TEKT1: variants seen among roughly 807,000 people sequenced by gnomAD.
TEKT1 encodes the protein tektin 1.
A neutral mutation model predicts 34.8 loss-of-function variants in TEKT1; 32 were observed. The observed-to-expected ratio is 0.92, with a 90% confidence interval of 0.69 to 1.23. The LOEUF is 1.23. TEKT1 is among the 50% of genes most tolerant of loss of function. The pLI is 0.00. For missense variants in TEKT1, 492 were observed against 518.5 expected, an observed-to-expected ratio of 0.95 and a Z score of 0.50; for synonymous variants, 207 against 199.8, an observed-to-expected ratio of 1.04 and a Z score of -0.30.
intron 3 of TEKT1, among the ~76,000 whole-genome samples, chr17:6,818,624 C>A (rs1250932830): frequency 6.6e-6 from 1 of 152,170 alleles, no homozygotes; most frequent in Non-Finnish European, 1.5e-5. Context: ...TAAAACCAAT[C>A]ATTTCCCAGC....
chr17:6,802,538 T>C (rs1435186949), intron 6 of TEKT1, among the ~76,000 whole-genome samples: 1 of 152,170 alleles, frequency 6.6e-6, no homozygotes, highest in Non-Finnish European at 1.5e-5. Context: ...ACGTGCAGGT[T>C]TGTTACATAT....
At chr17:6,817,100 G>A (rs555043757) in intron 3 of TEKT1, among the ~76,000 whole-genome samples, 1 of 152,184 alleles carries the variant, frequency 6.6e-6, no homozygotes, top group South Asian at 2.1e-4. Context: ...TTTAGGGTGG[G>A]CGCAGTGACT....
intron 2 of TEKT1, among the ~76,000 whole-genome samples, chr17:6,822,803 T>C (rs1260616102): frequency 2.0e-5 from 3 of 152,216 alleles, no homozygotes; most frequent in Non-Finnish European, 2.9e-5. Flanking sequence ...TTGGCTTTCC[T>C]CAATTATTTG....
chr17:6,819,723 T>C (rs1977059760), intron 2 of TEKT1, among the ~76,000 whole-genome samples: 1 of 152,230 alleles, frequency 6.6e-6, no homozygotes, highest in Admixed American at 6.5e-5. Context: ...AGTCTCACTG[T>C]GTCACCCAGG....
Position 6,800,472 on chromosome 17 carries a change from C to T in TEKT1, c.1050-238G>A, listed in dbSNP as rs537261976. ...TGGCGGCCACAGGCCAGATTCATGA[C>T]GTAGACACCTTATGAAATGCTGATG... On this transcript the variant is annotated intron_variant, in intron 7 of 7. Coordinates refer to ENST00000338694, the MANE Select transcript of TEKT1 (RefSeq NM_053285.2). Among the ~76,000 whole-genome samples, 3 of 152,322 alleles carry T rather than the reference C, an allele frequency of 2.0e-5. No individual in the cohort carries two copies. The East Asian group carries it at 5.8e-4, about 29-fold the overall frequency.
intron 5 of TEKT1, among the ~76,000 whole-genome samples, chr17:6,813,946 T>TTCTCTCTCTCTCTCTC (rs71157224): frequency 4.2e-3 from 611 of 145,934 alleles, no homozygotes; most frequent in Non-Finnish European, 6.0e-3. Flanking sequence ...CTGTCATCCG[T>TTCTCTCTCTCTCTCTC]TCTCTCTCTC....
intron 6 of TEKT1, among the ~76,000 whole-genome samples, chr17:6,810,370 A>G (rs1485096386): frequency 6.6e-6 from 1 of 152,212 alleles, no homozygotes; most frequent in Non-Finnish European, 1.5e-5. Flanking sequence ...TTGGATAACA[A>G]TTCTTTATCA....
Position 6,799,553 on chromosome 17 carries a change from A to G in TEKT1, c.*474T>C, listed in dbSNP as rs1200613666. 1.3e-5 allele frequency: 2 copies of G among 154,332 alleles called. No homozygotes were observed. Among genetic ancestry groups the G allele is most frequent in the African/African-American group, 4.8e-5 (2 of 41,450 alleles). 9.6% of individuals were successfully genotyped at this position (154,332 alleles called of 1,614,324 possible). A position where few individuals can be genotyped will look rare whatever the true frequency, so the allele number is the denominator to read the frequency against. ...ACCTACAGTCTTAACCATTGACTTG[A>G]ACCCATTGACTTGAATGAATGGAAT... On this transcript the variant is annotated 3_prime_UTR_variant, in exon 8 of 8. Coordinates refer to ENST00000338694, the MANE Select transcript of TEKT1 (RefSeq NM_053285.2).
At chr17:6,803,835 A>C (rs538313772) in intron 6 of TEKT1, among the ~76,000 whole-genome samples, 4,837 of 151,748 alleles carry the variant, frequency 0.032, 105 homozygotes, top group Non-Finnish European at 0.047. Context: ...GTTTTGGTAC[A>C]AGTACCATGC....
chr17:6,820,741 A>G (rs1977075194), intron 2 of TEKT1, among the ~76,000 whole-genome samples: 1 of 152,148 alleles, frequency 6.6e-6, no homozygotes, highest in Non-Finnish European at 1.5e-5. Context: ...CTTTGCTTCC[A>G]GGAATCCCCT....
intron 2 of TEKT1, among the ~76,000 whole-genome samples, chr17:6,826,653 TAG>T (rs1904405248): frequency 6.6e-6 from 1 of 151,580 alleles, no homozygotes; most frequent in Admixed American, 6.6e-5. Flanking sequence ...GATAGATAGA[TAG>T]ATAGATAGAT....
intron 7 of TEKT1, among the ~76,000 whole-genome samples, 196 bp downstream of exon 7, chr17:6,800,551 C>T (rs75742091): frequency 0.088 from 13,347 of 152,242 alleles, 692 homozygotes; most frequent in Middle Eastern, 0.19. Context: ...TTTAGAATCA[C>T]TCAATATTGG....
intron 6 of TEKT1, among the ~76,000 whole-genome samples, chr17:6,809,790 G>A (rs1040561540): frequency 3.9e-5 from 6 of 152,098 alleles, no homozygotes; most frequent in African/African-American, 1.2e-4. Context: ...TTAGCAATAC[G>A]CATTTAAAGT....
At chr17:6,801,709 GA>G (rs961517097) in intron 6 of TEKT1, among the ~76,000 whole-genome samples, 2 of 151,384 alleles carry the variant, frequency 1.3e-5, no homozygotes, top group Non-Finnish European at 2.9e-5. Flanking sequence ...CTCCGCCTCA[GA>G]AAAAAAAGAA....
chr17:6,798,341 A>G lies in TEKT1; in HGVS notation c.*1686T>C, dbSNP rs1976721926. On this transcript the variant is annotated 3_prime_UTR_variant, in exon 8 of 8. Coordinates refer to ENST00000338694, the MANE Select transcript of TEKT1 (RefSeq NM_053285.2). ...GCTGCCTCTGAGAGCTGTATTCACA[A>G]GGAAGGATTTTGCCCAGTGTCTTCA... 6.6e-6 allele frequency: 1 copy of G among 152,244 alleles called. No homozygotes were observed. Among genetic ancestry groups the G allele is most frequent in the Non-Finnish European group, 1.5e-5 (1 of 68,076 alleles). 9.4% of individuals were successfully genotyped at this position (152,244 alleles called of 1,614,324 possible).
chr17:6,819,008 C>T (rs964684056), intron 3 of TEKT1, among the ~76,000 whole-genome samples, 185 bp downstream of exon 3: 1 of 152,180 alleles, frequency 6.6e-6, no homozygotes, highest in Non-Finnish European at 1.5e-5. Context: ...AGAGTTGAGG[C>T]ATGAACCAAG....
rs779069428 is a variant in TEKT1, at chr17:6,811,273, T to C, written c.852+1558A>G. Among the ~76,000 whole-genome samples, 8 of 151,626 alleles carry C rather than the reference T, an allele frequency of 5.3e-5. No homozygotes were observed. Among genetic ancestry groups the C allele is most frequent in the Admixed American group, 3.3e-4 (5 of 15,160 alleles). On this transcript the variant is annotated intron_variant, in intron 6 of 7. Transcript: ENST00000338694. This position sits in a 1 kb window ranked among gnomAD's most constrained non-coding sequence, Gnocchi z 4.4. Reference sequence around the variant, plus strand: ...CAATCAACTATTTTTATTATTTATATGTATGATATTATATGTTAATCATAT... The same window carrying C: ...CAATCAACTATTTTTATTATTTATACGTATGATATTATATGTTAATCATAT...
intron 5 of TEKT1, 148 bp downstream of exon 5, chr17:6,815,015 C>G: frequency 1.1e-6 from 1 of 925,894 alleles, no homozygotes; most frequent in East Asian, 2.5e-5. Flanking sequence ...CCTCTGGGCC[C>G]AATGTCAAGG....
intron 2 of TEKT1, among the ~76,000 whole-genome samples, chr17:6,827,530 C>T (rs1366768628): frequency 6.6e-6 from 1 of 152,114 alleles, no homozygotes; most frequent in African/African-American, 2.4e-5. Flanking sequence ...TCCCAAAGTG[C>T]TGGGAGCCAG....
Sources: gnomAD v4.1 joint callset for allele counts (sites outside exome capture counted in the v4.1 genomes callset) on GRCh38, gnomAD v4.1.1 for gene constraint, Gnocchi (gnomAD v3.1) non-coding constraint, MANE v1.5 for transcripts, NCBI Gene and HGNC (gene_info 2026-07-23, HGNC 2026-07-21) for gene names.